The following EYS variants were observed in gnomAD, a reference collection of about 807,000 sequenced individuals.
EYS encodes protein eyes shut homolog.
In EYS, 250 loss-of-function variants were observed where a neutral mutation model predicts 282.1. The observed-to-expected ratio is 0.89, with a 90% CI of 0.80 to 0.98. The LOEUF (loss-of-function observed/expected upper bound fraction) is 0.98, where lower values mean the gene tolerates loss of function less well. Among genes scored for constraint, EYS ranks in the 50% least tolerant of loss-of-function variants. The pLI, the probability that EYS is intolerant of heterozygous loss-of-function variation, is 0.00. For synonymous variants in EYS, 1,355 were observed against 1,282.9 expected, an observed-to-expected ratio of 1.06 and a Z score of -1.20; for missense variants, 4,016 against 3,709.0, an observed-to-expected ratio of 1.08 and a Z score of -2.15.
rs1260312589 is a variant in EYS at position 65,026,916 on chromosome 6, C to CAAAAAAAAAAAAAAAAAAAAAAAA, written c.2138-29214_2138-29213insTTTTTTTTTTTTTTTTTTTTTTTT. 4.2e-4 allele frequency among the ~76,000 whole-genome samples: 45 copies of CAAAAAAAAAAAAAAAAAAAAAAAA among 107,840 alleles called. 2 individuals carry two copies. Among genetic ancestry groups the CAAAAAAAAAAAAAAAAAAAAAAAA allele is most frequent in the Non-Finnish European group, 7.1e-4 (36 of 50,364 alleles). The allele number at this position is 107,840 out of a possible 152,430, so 70.7% of individuals were successfully genotyped here. A position where few individuals can be genotyped will look rare whatever the true frequency, so the allele number is the denominator to read the frequency against. On this transcript the variant is annotated intron_variant, in intron 13 of 42. Coordinates refer to ENST00000503581, the MANE Select transcript of EYS (RefSeq NM_001142800.2). Reference sequence around the variant, plus strand: ...TGGGCGACAGAGTGAGACTCCGTCTCAAAAAAAAAAAAAAGATTCAGATAT... The same window carrying CAAAAAAAAAAAAAAAAAAAAAAAA: ...TGGGCGACAGAGTGAGACTCCGTCTCAAAAAAAAAAAAAAAAAAAAAAAAAAAAAAAAAAAAAAGATTCAGATAT...
intron 28 of EYS, among the ~76,000 whole-genome samples, chr6:64,392,921 C>T (rs528195933): frequency 1.3e-4 from 19 of 151,828 alleles, no homozygotes; most frequent in South Asian, 4.2e-4. Flanking sequence ...ATCAAATAGA[C>T]GCAATAAAAA....
intron 27 of EYS, among the ~76,000 whole-genome samples, chr6:64,437,984 A>G (rs1774809764): frequency 6.6e-6 from 1 of 151,746 alleles, no homozygotes; most frequent in Non-Finnish European, 1.5e-5. Context: ...TTAGAATTAT[A>G]TAAGTTAATT....
intron 13 of EYS, among the ~76,000 whole-genome samples, chr6:65,044,059 T>TAATA (rs1350180959): frequency 6.6e-6 from 1 of 151,738 alleles, no homozygotes; most frequent in East Asian, 1.9e-4. Flanking sequence ...CACCTTTTGA[T>TAATA]AATAATAAGA....
chr6:63,816,634 T>C (rs904619295), intron 36 of EYS, among the ~76,000 whole-genome samples: 1 of 152,196 alleles, frequency 6.6e-6, no homozygotes, highest in African/African-American at 2.4e-5. Flanking sequence ...TGCAACTACC[T>C]CAGCTACAAA....
At chr6:64,001,693 TAAACA>T (rs944293887) in intron 33 of EYS, among the ~76,000 whole-genome samples, 1 of 152,200 alleles carries the variant, frequency 6.6e-6, no homozygotes, top group Non-Finnish European at 1.5e-5. Flanking sequence ...ATCCAGCTCT[TAAACA>T]AGAGTTATAG....
rs1372981008 is a variant in EYS at position 64,298,829 on chromosome 6, G to A, written c.6191+8141C>T. 3.9e-5 allele frequency among the ~76,000 whole-genome samples: 6 copies of A among 151,964 alleles called. No individual in the cohort carries two copies. The East Asian group carries it at 7.7e-4, about 20-fold the overall frequency. On this transcript the variant is annotated intron_variant, in intron 30 of 42. Transcript: ENST00000503581. ...AATATTAAATAGATTAAAACTGAAA[G>A]GATGGAAAAAAATAAATATTATATG...
At chr6:64,893,602 A>G (rs530416458) in intron 18 of EYS, among the ~76,000 whole-genome samples, 2 of 152,106 alleles carry the variant, frequency 1.3e-5, no homozygotes, top group East Asian at 3.9e-4. Context: ...TTCAGCTGCT[A>G]ATTGATTTTT....
intron 26 of EYS, among the ~76,000 whole-genome samples, chr6:64,484,544 C>G (rs986029844): frequency 6.6e-6 from 1 of 151,576 alleles, no homozygotes; most frequent in Non-Finnish European, 1.5e-5. Context: ...CTTACACAGT[C>G]ATGGCTGAGG....
chr6:65,260,363 G>A (rs1007648831), intron 12 of EYS, among the ~76,000 whole-genome samples: 1 of 152,050 alleles, frequency 6.6e-6, no homozygotes, highest in African/African-American at 2.4e-5. Flanking sequence ...AGACCTGCCT[G>A]CAGATGCCTG....
At chr6:64,173,460 C>T (rs1442036175) in intron 31 of EYS, among the ~76,000 whole-genome samples, 1 of 152,100 alleles carries the variant, frequency 6.6e-6, no homozygotes, top group Non-Finnish European at 1.5e-5. Flanking sequence ...GTTTATTGTC[C>T]TTTCAGAGTT....
At position 64,958,473 on chromosome 6, in the gene EYS, C is replaced by A. The variant is rs562638491; in HGVS notation, c.2260-12559G>T. On this transcript the variant is annotated intron_variant, in intron 14 of 42. Transcript: ENST00000503581. ...ATTAAGAAACAATCTTCAGGCCGGG[C>A]GCGGTGGCTCACGCCTGTAATCCCA... Among the ~76,000 whole-genome samples, 870 of 151,894 alleles carry A rather than the reference C, an allele frequency of 5.7e-3. 7 individuals carry two copies. The highest frequency in any genetic ancestry group is 8.8e-3 in the Non-Finnish European group (597 of 67,958).
At chr6:64,143,694 A>G (rs1200896114) in intron 31 of EYS, among the ~76,000 whole-genome samples, 1 of 152,204 alleles carries the variant, frequency 6.6e-6, no homozygotes, top group Non-Finnish European at 1.5e-5. Context: ...TCGGCTTATC[A>G]GCCAGATGTG....
At chr6:64,886,291 A>G (rs557014426) in intron 19 of EYS, among the ~76,000 whole-genome samples, 1 of 150,588 alleles carries the variant, frequency 6.6e-6, no homozygotes, top group African/African-American at 2.4e-5. Flanking sequence ...TTTGCTTTAC[A>G]TTTAAATTCA....
At chr6:63,962,278 G>C (rs1766102674) in intron 35 of EYS, among the ~76,000 whole-genome samples, 1 of 152,132 alleles carries the variant, frequency 6.6e-6, no homozygotes, top group Admixed American at 6.6e-5. Context: ...TTAAACTAAA[G>C]AGCTTCTGCA....
chr6:64,621,883 T>A (rs538211178), intron 23 of EYS, among the ~76,000 whole-genome samples: 7 of 152,328 alleles, frequency 4.6e-5, no homozygotes, highest in African/African-American at 1.4e-4. Flanking sequence ...TCCCTATCAC[T>A]TTCAATTTGC....
chr6:65,619,187 A>G (rs1255873865), intron 2 of EYS, among the ~76,000 whole-genome samples: 1 of 151,770 alleles, frequency 6.6e-6, no homozygotes, highest in Non-Finnish European at 1.5e-5. Context: ...ACCCATGAGC[A>G]TGGAATGTTC....
chr6:64,477,073 C>T (rs953020321), intron 26 of EYS, among the ~76,000 whole-genome samples: 5 of 152,132 alleles, frequency 3.3e-5, no homozygotes, highest in Admixed American at 3.3e-4. Context: ...AGTCCCCAAC[C>T]AATGACTCAC....
At chr6:65,550,151 T>C (rs1348838782) in intron 2 of EYS, among the ~76,000 whole-genome samples, 11 of 21,120 alleles carry the variant, frequency 5.2e-4, no homozygotes, top group Admixed American at 7.8e-4. Flanking sequence ...ATCTTTTTTT[T>C]TTTTTTTTTT....
At position 64,591,364 on chromosome 6, in the gene EYS, T is replaced by C. The variant is rs765829827; in HGVS notation, c.4503A>G (p.Ile1501Met). Residue 1501 changes from isoleucine (I) to methionine (M), a missense_variant, in exon 26 of 43, where the codon ATA (isoleucine) becomes ATG (methionine). Transcript: ENST00000503581. ...AGTTTAAGATGGTTACCTGTTTAGA[T>C]ATAATTACCTTAGCAGGAAAAATGG... Reference protein sequence around the residue: ...MSPIFPAKVIISKQVTILNSS... With the variant: ...MSPIFPAKVIMSKQVTILNSS... The C allele has an allele frequency of 9.7e-6, 15 of 1,551,352 alleles. No individual in the cohort carries two copies. In the South Asian group the frequency reaches 1.8e-4, roughly 18 times the overall value.
Sources: gnomAD v4.1 joint callset for allele counts (sites outside exome capture counted in the v4.1 genomes callset) on GRCh38, gnomAD v4.1.1 for gene constraint, MANE v1.5 for transcripts, NCBI Gene and HGNC (gene_info 2026-07-23, HGNC 2026-07-21) for gene names.